RABGAP1: variants seen among roughly 807,000 people sequenced by gnomAD.
RABGAP1 encodes RAB GTPase activating protein 1, also known as rab GTPase-activating protein 1.
In RABGAP1, 23 loss-of-function variants were observed where a neutral mutation model predicts 137.6. The ratio of observed to expected loss-of-function variants is 0.17; its 90% CI spans 0.12 to 0.24. The LOEUF (loss-of-function observed/expected upper bound fraction) is 0.24. Among genes scored for constraint, RABGAP1 ranks in the 10% least tolerant of loss-of-function variants. The pLI, the probability that RABGAP1 is intolerant of heterozygous loss-of-function variation, is 1.00. For missense variants in RABGAP1, 906 were observed against 1,275.8 expected (o/e 0.71, Z 4.42); for synonymous variants, 451 against 450.7 (o/e 1.00, Z -0.01).
rs778329543 is a variant in RABGAP1 at position 123,010,558 on chromosome 9, T to C, written c.1549+30T>C. ...ACTGTAGGGATAGCTTAATTTATTT[T>C]TGGGGGTGGAAGACCATGCAAACTA... On this transcript the variant is annotated intron_variant, in intron 11 of 25. Transcript: ENST00000373647. 7 of 1,588,118 alleles carry C rather than the reference T, an allele frequency of 4.4e-6. No individual in the cohort carries two copies. The South Asian group carries it at 6.7e-5, about 15-fold the overall frequency.
chr9:123,035,919 T>G (rs2032633151), intron 13 of RABGAP1, among the ~76,000 whole-genome samples: 1 of 152,176 alleles, frequency 6.6e-6, no homozygotes, highest in Non-Finnish European at 1.5e-5. Flanking sequence ...TAAAGCCATA[T>G]CTAACACCTC....
chr9:122,959,921 C>G (rs938522655), intron 2 of RABGAP1, among the ~76,000 whole-genome samples: 8 of 152,182 alleles, frequency 5.3e-5, no homozygotes, highest in Admixed American at 4.6e-4. Context: ...CAGTGACACA[C>G]AGTGTGTCAT....
chr9:122,941,418 C>T (rs1444332572), intron 1 of RABGAP1, among the ~76,000 whole-genome samples: 2 of 152,200 alleles, frequency 1.3e-5, no homozygotes, highest in African/African-American at 2.4e-5. Context: ...CCAGCAAAGC[C>T]GGTTTGTGTC....
chr9:123,052,446 G>A (rs2033524655), intron 13 of RABGAP1, among the ~76,000 whole-genome samples: 2 of 152,194 alleles, frequency 1.3e-5, no homozygotes, highest in Admixed American at 6.5e-5. Context: ...ACCTTATTAT[G>A]TGTCATACAT....
chr9:122,995,938 G>T, intron 6 of RABGAP1, 103 bp from the exon 7 acceptor site: 1 of 1,468,840 alleles, frequency 6.8e-7, no homozygotes, highest in Non-Finnish European at 9.0e-7. Context: ...TGCAAACTAG[G>T]CACAGAAAAG....
chr9:123,020,444 C>T lies in RABGAP1; in HGVS notation c.1779C>T (p.Arg593=). ...HNNDHLVEKY[R]ILITKESPQD... is the part of the protein sequence containing the mutation. ...ATGACCACCTGGTAGAGAAATACCGCATTCTTATCACAAAGGTAAGGGGGT... is the reference window on the plus strand; with the variant it reads ...ATGACCACCTGGTAGAGAAATACCGTATTCTTATCACAAAGGTAAGGGGGT... The change falls in exon 13 of 26, where the codon CGC becomes CGT. Residue 593 remains arginine (R), a synonymous_variant. Transcript: ENST00000373647. 3.1e-6 allele frequency: 5 copies of T among 1,595,630 alleles called. No individual in the cohort carries two copies. The highest frequency in any genetic ancestry group is 4.3e-6 in the Non-Finnish European group (5 of 1,170,380).
At chr9:122,975,843 T>C (rs1162734239) in intron 2 of RABGAP1, among the ~76,000 whole-genome samples, 1 of 152,206 alleles carries the variant, frequency 6.6e-6, no homozygotes, top group Non-Finnish European at 1.5e-5. Context: ...ATTAACATCC[T>C]CATTTTAGAG....
rs1030951208 is a variant in RABGAP1, at chr9:123,076,836, A to G, written c.2424+74A>G. On this transcript the variant is annotated intron_variant, in intron 19 of 25. Transcript: ENST00000373647. ...CACTATTCCTGATCATTTATAATAC[A>G]TAATTATTTATGTATTATATTTATA... The G allele has an allele frequency of 3.0e-5, 31 of 1,022,286 alleles. 2 individuals are homozygous for G. In the South Asian group the frequency reaches 1.0e-3, roughly 34 times the overall value. The allele number at this position is 1,022,286 out of a possible 1,614,324, so 63.3% of individuals were successfully genotyped here. A position where few individuals can be genotyped will look rare whatever the true frequency, so the allele number is the denominator to read the frequency against.
Position 123,070,716 on chromosome 9 carries a change from C to G in RABGAP1, c.1983+292C>G, listed in dbSNP as rs984628249. ...TGAACTCTTGGGGACGTTTTATCTT[C>G]TCTAAAGTAGCCGCTGTCATTAATA... On this transcript the variant is annotated intron_variant, in intron 15 of 25. Transcript: ENST00000373647. This position sits in a 1 kb window ranked among gnomAD's most constrained non-coding sequence, Gnocchi z 4.4. Among the ~76,000 whole-genome samples, 1 of 152,148 alleles carries G rather than the reference C, an allele frequency of 6.6e-6. No homozygotes were observed. The highest frequency in any genetic ancestry group is 1.5e-5 in the Non-Finnish European group (1 of 68,030).
At position 122,971,733 on chromosome 9, in the gene RABGAP1, A is replaced by G. The variant is rs370822252; in HGVS notation, c.151-12752A>G. ...TTACACATGGCTGAAGAGAGAATCA[A>G]ATACCTGGAAAATGGATCTGAAGAA... On this transcript the variant is annotated intron_variant, in intron 2 of 25. Transcript: ENST00000373647. The G allele has an allele frequency of 1.2e-4, 19 of 152,374 alleles. No individual in the cohort carries two copies. The East Asian group carries it at 1.9e-3, about 15-fold the overall frequency. The allele number at this position is 152,374 out of a possible 1,614,324, so 9.4% of individuals were successfully genotyped here.
chr9:123,023,301 CT>C (rs2031759700), intron 13 of RABGAP1, among the ~76,000 whole-genome samples: 1 of 152,192 alleles, frequency 6.6e-6, no homozygotes, highest in Non-Finnish European at 1.5e-5. Context: ...CTGCATCAGC[CT>C]CCCAAGTAGC....
chr9:123,014,750 A>G (rs1384307795), intron 11 of RABGAP1, among the ~76,000 whole-genome samples: 1 of 151,144 alleles, frequency 6.6e-6, no homozygotes, highest in East Asian at 1.9e-4. Flanking sequence ...CAAAATTTAT[A>G]AAGAAAAGAG....
At chr9:123,043,724 C>A (rs923909616) in intron 13 of RABGAP1, among the ~76,000 whole-genome samples, 8 of 151,698 alleles carry the variant, frequency 5.3e-5, no homozygotes, top group Non-Finnish European at 1.0e-4. Context: ...AGTGGAAAAA[C>A]CCAGAAAATA....
chr9:122,997,301 A>T lies in RABGAP1; in HGVS notation c.1144A>T (p.Thr382Ser), dbSNP rs1837077006. 6.2e-7 allele frequency: 1 copy of T among 1,611,824 alleles called. No individual in the cohort carries two copies. Among genetic ancestry groups the T allele is most frequent in the African/African-American group, 1.3e-5 (1 of 74,904 alleles). The change falls in exon 9 of 26, where the codon ACG becomes TCG. Residue 382 changes from threonine to serine, a missense_variant. Thr to Ser is a moderately conservative substitution (Grantham distance 58). This residue lies in a region of RABGAP1 where 212 missense variants were observed against 289.4 expected (regional missense o/e 0.73). Coordinates refer to ENST00000373647, the MANE Select transcript of RABGAP1 (RefSeq NM_012197.4). The part of the protein sequence containing the change: ...KSSDGKSYVI[T>S]GSWNPKSPHF... Reference sequence around the variant, plus strand: ...TTCAGATGGAAAGTCGTATGTTATTACGGGGAGCTGGAATCCAAAATCCCC... The same window carrying T: ...TTCAGATGGAAAGTCGTATGTTATTTCGGGGAGCTGGAATCCAAAATCCCC...
At chr9:123,041,008 G>A (rs981858205) in intron 13 of RABGAP1, among the ~76,000 whole-genome samples, 24 of 152,100 alleles carry the variant, frequency 1.6e-4, no homozygotes, top group Non-Finnish European at 7.4e-5. Context: ...ATATCATATT[G>A]CTTTTGCAGA....
intron 12 of RABGAP1, among the ~76,000 whole-genome samples, chr9:123,017,364 C>T (rs536553328): frequency 2.6e-5 from 4 of 152,256 alleles, no homozygotes; most frequent in African/African-American, 9.6e-5. Context: ...TTCCTATTCC[C>T]TCAAATGTAT....
In RABGAP1 at chr9:123,000,586, A is replaced by T. The variant is rs187675756; in HGVS notation, c.1374+1820A>T. Among the ~76,000 whole-genome samples the T allele has an allele frequency of 2.0e-5, 3 of 152,320 alleles. No homozygotes were observed. The East Asian group carries it at 5.8e-4, about 29-fold the overall frequency. On this transcript the variant is annotated intron_variant, in intron 10 of 25. Transcript: ENST00000373647. ...GACATCTCAAACTTAACATGTCCAA[A>T]AAGGTTTATTATCTCATCTCCATCT...
At chr9:122,972,975 T>C (rs1239194475) in intron 2 of RABGAP1, among the ~76,000 whole-genome samples, 1 of 20,694 alleles carries the variant, frequency 4.8e-5, no homozygotes, top group Non-Finnish European at 1.3e-4. Context: ...TCTCTTTATA[T>C]ATTAAAAAAA....
At chr9:122,978,553 T>C (rs976826288) in intron 2 of RABGAP1, among the ~76,000 whole-genome samples, 1 of 152,206 alleles carries the variant, frequency 6.6e-6, no homozygotes, top group Non-Finnish European at 1.5e-5. Flanking sequence ...GAAGATCGCT[T>C]GAGCCCAGAA....
Sources: gnomAD v4.1 joint callset for allele counts (sites outside exome capture counted in the v4.1 genomes callset) on GRCh38, gnomAD v4.1.1 for gene constraint, gnomAD v4.1.1 regional missense constraint, Gnocchi (gnomAD v3.1) non-coding constraint, MANE v1.5 for transcripts, NCBI Gene and HGNC (gene_info 2026-07-23, HGNC 2026-07-21) for gene names.